The following PBX1 variants were observed in gnomAD, a reference collection of about 807,000 sequenced individuals.
PBX1 encodes the protein pre-B-cell leukemia transcription factor 1.
PBX1 carries 6 observed loss-of-function variants against 53.4 expected under a neutral mutation model. The ratio of observed to expected loss-of-function variants is 0.11; its 90% confidence interval spans 0.06 to 0.22. The LOEUF (loss-of-function observed/expected upper bound fraction) is 0.22. Ranked by LOEUF, PBX1 falls within the 10% of genes least tolerant of loss-of-function variation. PBX1 has a pLI of 1.00. For missense variants in PBX1, 251 were observed against 551.4 expected (o/e 0.46, Z 5.46); for synonymous variants, 204 against 212.3 (o/e 0.96, Z 0.34).
intron 2 of PBX1, among the ~76,000 whole-genome samples, chr1:164,736,375 A>C (rs992224159): frequency 2.0e-5 from 3 of 152,118 alleles, no homozygotes; most frequent in Non-Finnish European, 4.4e-5. Context: ...AAGCCAGCTA[A>C]TGCGACGGCT....
At position 164,631,812 on chromosome 1, in the gene PBX1, A is replaced by T. The variant is rs147347545; in HGVS notation, c.265+68501A>T. On this transcript the variant is annotated intron_variant, in intron 2 of 8. Transcript: ENST00000420696. Reference sequence around the variant, plus strand: ...AATTAATACAAATTAAGGAATTGGAACTGATTTGGGCCATATTCGACTATT... The same window carrying T: ...AATTAATACAAATTAAGGAATTGGATCTGATTTGGGCCATATTCGACTATT... 7.7e-3 allele frequency among the ~76,000 whole-genome samples: 1,180 copies of T among 152,346 alleles called. 21 individuals are homozygous for T. Among genetic ancestry groups the T allele is most frequent in the African/African-American group, 0.027 (1,131 of 41,580 alleles).
chr1:164,649,813 T>G (rs780042812), intron 2 of PBX1, among the ~76,000 whole-genome samples: 2 of 152,220 alleles, frequency 1.3e-5, no homozygotes, highest in Non-Finnish European at 2.9e-5. Context: ...CTTCACATAC[T>G]TTCTCTTATG....
At chr1:164,679,663 G>A (rs1008109968) in intron 2 of PBX1, among the ~76,000 whole-genome samples, 1 of 152,140 alleles carries the variant, frequency 6.6e-6, no homozygotes, top group African/African-American at 2.4e-5. Flanking sequence ...AAGACAGGTT[G>A]TATTCATTTA....
chr1:164,662,427 T>C (rs559425620), intron 2 of PBX1, among the ~76,000 whole-genome samples: 42 of 152,264 alleles, frequency 2.8e-4, no homozygotes, highest in South Asian at 8.3e-4. Context: ...TTAATAGGAT[T>C]TTTGCAGAAT....
chr1:164,640,289 G>C (rs567595936), intron 2 of PBX1, among the ~76,000 whole-genome samples: 14 of 152,220 alleles, frequency 9.2e-5, no homozygotes, highest in African/African-American at 2.6e-4. Flanking sequence ...GAAGGCCTTG[G>C]GTTCTAAACT....
At chr1:164,875,967 C>T (rs563404676) in intron 2 of PBX1, among the ~76,000 whole-genome samples, 2 of 115,396 alleles carry the variant, frequency 1.7e-5, no homozygotes, top group Non-Finnish European at 3.7e-5. Context: ...AAATGTATAC[C>T]TATATATATT....
intron 2 of PBX1, among the ~76,000 whole-genome samples, chr1:164,689,911 C>T (rs1254609045): frequency 6.6e-6 from 1 of 152,054 alleles, no homozygotes; most frequent in East Asian, 1.9e-4. Context: ...TGATACAGTT[C>T]TCTCCCTAAG....
chr1:164,728,193 T>G (rs1301700824), intron 2 of PBX1, among the ~76,000 whole-genome samples: 2 of 152,008 alleles, frequency 1.3e-5, no homozygotes, highest in African/African-American at 4.8e-5. Flanking sequence ...GATATGTGCC[T>G]GTAGTTCCAG....
rs115683930 is a variant in PBX1 at position 164,730,223 on chromosome 1, A to G, written c.266-62271A>G. ...CCCTATTCCAAGAATACAGCCATCA[A>G]CAGTTAGTCCCAGAGTTGGTGGCAT... On this transcript the variant is annotated intron_variant, in intron 2 of 8. Coordinates refer to ENST00000420696, the MANE Select transcript of PBX1 (RefSeq NM_002585.4). 6.7e-3 allele frequency among the ~76,000 whole-genome samples: 1,016 copies of G among 152,336 alleles called. 12 individuals carry two copies. Among genetic ancestry groups the G allele is most frequent in the African/African-American group, 0.023 (971 of 41,564 alleles).
rs1195014886 is a variant in PBX1 at position 164,846,935 on chromosome 1, C to G, written c.*259C>G. The stretch of plus-strand genomic sequence containing the variant: ...CTGTCAGCCTGGTTTTCGTCATCTT[C>G]CCTGCCCCTGTGCCTCTGTCCTAGA... On this transcript the variant is annotated 3_prime_UTR_variant, in exon 9 of 9. Transcript: ENST00000420696. The G allele has an allele frequency of 1.5e-6, 2 of 1,355,184 alleles. No individual in the cohort carries two copies. Among genetic ancestry groups the G allele is most frequent in the Admixed American group, 5.9e-5 (2 of 33,724 alleles). 83.9% of individuals were successfully genotyped at this position (1,355,184 alleles called of 1,614,324 possible).
intron 2 of PBX1, among the ~76,000 whole-genome samples, chr1:164,650,357 T>TACTC (rs1659727907): frequency 6.6e-6 from 1 of 151,716 alleles, no homozygotes; most frequent in Admixed American, 6.6e-5. Flanking sequence ...GCCTCCTGAG[T>TACTC]AGCTGGGATT....
At chr1:164,601,140 G>A (rs1289637616) in intron 2 of PBX1, among the ~76,000 whole-genome samples, 1 of 148,604 alleles carries the variant, frequency 6.7e-6, no homozygotes, top group Non-Finnish European at 1.5e-5. Flanking sequence ...TCGGGAGGCT[G>A]AGAAAGAATT....
At position 164,862,922 on chromosome 1, in the gene PBX1, C is replaced by G. The variant is rs148030053; in HGVS notation, n.257+31439C>G. On this transcript the variant is annotated intron_variant and non_coding_transcript_variant, in intron 2 of 2. Coordinates refer to the PBX1 transcript ENST00000558796. ...TGGTTGTTGATGCAAAGCTGTCTCTCTGGAGTCTCTAGTGACATTTGTTAC... is the reference window on the plus strand; with the variant it reads ...TGGTTGTTGATGCAAAGCTGTCTCTGTGGAGTCTCTAGTGACATTTGTTAC... Among the ~76,000 whole-genome samples, 187 of 152,344 alleles carry G rather than the reference C, an allele frequency of 1.2e-3. 2 individuals are homozygous for G. The highest frequency in any genetic ancestry group is 4.4e-3 in the African/African-American group (181 of 41,574).
At position 164,830,804 on chromosome 1, in the gene PBX1, T is replaced by C. The variant is rs536523191; in HGVS notation, c.1200+9178T>C. Among the ~76,000 whole-genome samples the C allele has an allele frequency of 2.0e-5, 3 of 152,264 alleles. No homozygotes were observed. In the South Asian group the frequency reaches 6.2e-4, roughly 32 times the overall value. On this transcript the variant is annotated intron_variant, in intron 8 of 8. Coordinates refer to ENST00000420696, the MANE Select transcript of PBX1 (RefSeq NM_002585.4). ...CTGCCCTGCTAGTCTATTCCAAGTG[T>C]AGTCTGCAGATCAACAACATTACCT...
chr1:164,752,206 T>TG (rs1666269378), intron 2 of PBX1, among the ~76,000 whole-genome samples: 1 of 143,026 alleles, frequency 7.0e-6, no homozygotes, highest in Middle Eastern at 3.4e-3. Flanking sequence ...CTTTAAGGTT[T>TG]TGTGTGTGTG....
chr1:164,594,826 C>CAGTGGCT (rs1557880406), intron 2 of PBX1, among the ~76,000 whole-genome samples: 1 of 152,192 alleles, frequency 6.6e-6, no homozygotes, highest in East Asian at 1.9e-4. Context: ...TCAGTAGCCA[C>CAGTGGCT]AGTGGCTAGT....
intron 2 of PBX1, among the ~76,000 whole-genome samples, chr1:164,705,783 G>T (rs1288321938): frequency 6.6e-6 from 1 of 152,128 alleles, no homozygotes; most frequent in African/African-American, 2.4e-5. Context: ...TTTTCAATTT[G>T]TATTCTAGAA....
intron 2 of PBX1, among the ~76,000 whole-genome samples, chr1:164,716,913 T>C (rs1017536458): frequency 6.6e-6 from 1 of 152,160 alleles, no homozygotes; most frequent in East Asian, 1.9e-4. Context: ...ACAGACAATA[T>C]GCAGTTTCGG....
At chr1:164,586,241 T>A (rs948463937) in intron 2 of PBX1, among the ~76,000 whole-genome samples, 1 of 152,236 alleles carries the variant, frequency 6.6e-6, no homozygotes, top group East Asian at 1.9e-4. Flanking sequence ...GTGTACTATC[T>A]GCAGAAGACA....
Sources: gnomAD v4.1 joint callset for allele counts (sites outside exome capture counted in the v4.1 genomes callset) on GRCh38, gnomAD v4.1.1 for gene constraint, MANE v1.5 for transcripts, NCBI Gene and HGNC (gene_info 2026-07-23, HGNC 2026-07-21) for gene names.